The following SETD6 variants were observed in gnomAD, a reference collection of about 807,000 sequenced individuals.
SETD6 encodes the protein SET domain containing 6, protein lysine methyltransferase.
A neutral mutation model predicts 52.7 loss-of-function variants in SETD6; 67 were observed. The ratio of observed to expected loss-of-function variants is 1.27; its 90% CI spans 1.04 to 1.56. The LOEUF is 1.56. Among genes scored for constraint, SETD6 ranks in the 40% most tolerant of loss-of-function variants. The pLI, the probability that SETD6 is intolerant of heterozygous loss-of-function variation, is 0.00. For missense variants in SETD6, 712 were observed against 607.5 expected (o/e 1.17, Z -1.81); for synonymous variants, 307 against 250.2 (o/e 1.23, Z -2.14).
chr16:58,515,814 C>T lies in SETD6; in HGVS notation c.51C>T (p.Gly17=). The T allele has an allele frequency of 6.5e-7, 1 of 1,527,598 alleles. No homozygotes were observed. Among genetic ancestry groups the T allele is most frequent in the Non-Finnish European group, 8.7e-7 (1 of 1,146,478 alleles). The allele number at this position is 1,527,598 out of a possible 1,614,324, so 94.6% of individuals were successfully genotyped here. A position where few individuals can be genotyped will look rare whatever the true frequency, so the allele number is the denominator to read the frequency against. The change falls in exon 2 of 8, where the codon GGC becomes GGT. Residue 17 remains glycine, a synonymous_variant. Transcript: ENST00000219315. The part of the protein sequence containing the change: ...RPRVAGPVDG[G]DLDPVACFLS... ...AGGTGGCGGGGCCCGTGGACGGCGG[C>T]GACCTGGATCCTGTGGCCTGCTTCC...
rs892377243 is a variant in SETD6, at chr16:58,515,822, A to G, written c.59A>G (p.Asp20Gly). 15 of 1,536,964 alleles carry G rather than the reference A, an allele frequency of 9.8e-6. No individual in the cohort carries two copies. The highest frequency in any genetic ancestry group is 1.3e-5 in the Non-Finnish European group (15 of 1,151,072). Residue 20 changes from aspartate (D) to glycine (G), a missense_variant, in exon 2 of 8, where the codon GAT becomes GGT. By Grantham distance (94) the Asp-to-Gly change is moderately conservative (BLOSUM62 -1). Transcript: ENST00000219315. ...VAGPVDGGDLDPVACFLSWCR... is the reference protein window; with the variant it reads ...VAGPVDGGDLGPVACFLSWCR... ...GGGCCCGTGGACGGCGGCGACCTGG[A>G]TCCTGTGGCCTGCTTCCTGAGCTGG...
intron 3 of SETD6, 67 bp downstream of exon 3, chr16:58,516,410 C>T (rs1252300637): frequency 1.2e-6 from 2 of 1,613,228 alleles, no homozygotes; most frequent in Non-Finnish European, 1.7e-6. Context: ...TTCCCCGCCC[C>T]TGCACCAGTC....
In SETD6 at chr16:58,521,386, T is replaced by A; in HGVS notation, c.*2357T>A. On this transcript the variant is annotated 3_prime_UTR_variant, in exon 8 of 8. Coordinates refer to ENST00000219315, the MANE Select transcript of SETD6 (RefSeq NM_001160305.4). The stretch of plus-strand genomic sequence containing the variant: ...AAATTCATGATTATTCTTCCATTAC[T>A]TTTTTTCTAACTTCTCCCTGACTAT... The A allele has an allele frequency of 6.7e-7, 1 of 1,486,132 alleles. No individual in the cohort carries two copies. Among genetic ancestry groups the A allele is most frequent in the Non-Finnish European group, 9.1e-7 (1 of 1,099,564 alleles). The allele number at this position is 1,486,132 out of a possible 1,614,324, so 92.1% of individuals were successfully genotyped here.
rs529815052 is a variant in SETD6 at position 58,516,407 on chromosome 16, C to T, written c.476+64C>T. 7.3e-5 allele frequency: 118 copies of T among 1,613,092 alleles called. 1 individual carries two copies. The African/African-American group carries it at 1.2e-3, about 17-fold the overall frequency. ...TAGCCTGCTGCAAGAAGTTTCCCCG[C>T]CCCTGCACCAGTCCTACCCAGTAAA... On this transcript the variant is annotated intron_variant, in intron 3 of 7. Coordinates refer to ENST00000219315, the MANE Select transcript of SETD6 (RefSeq NM_001160305.4).
Position 58,523,196 on chromosome 16 carries a change from G to C in SETD6, c.*4167G>C, listed in dbSNP as rs938567548. 2 of 488,002 alleles carry C rather than the reference G, an allele frequency of 4.1e-6. No homozygotes were observed. Among genetic ancestry groups the C allele is most frequent in the African/African-American group, 4.0e-5 (2 of 50,146 alleles). 30.2% of individuals were successfully genotyped at this position (488,002 alleles called of 1,614,324 possible). A position where few individuals can be genotyped will look rare whatever the true frequency, so the allele number is the denominator to read the frequency against. ...GGAGGCGGAGGTTGCAGTGAGCCAA[G>C]ATGGCGCCACTGTACTGCAGACTGA... On this transcript the variant is annotated 3_prime_UTR_variant, in exon 8 of 8. Transcript: ENST00000219315.
chr16:58,517,065 C>G (rs746380318), intron 5 of SETD6, 137 bp downstream of exon 5: 1 of 1,270,902 alleles, frequency 7.9e-7, no homozygotes, highest in African/African-American at 1.5e-5. Context: ...ATGCATATTA[C>G]TGTAGAATCA....
At chr16:58,518,636 T>C in intron 7 of SETD6, 88 bp from the exon 8 acceptor site, 1 of 1,578,328 alleles carries the variant, frequency 6.3e-7, no homozygotes, top group African/African-American at 1.4e-5. Context: ...GGATTTTTAA[T>C]AAATGCTAAG....
rs2039375505 is a variant in SETD6, at chr16:58,521,616, G to C, written c.*2587G>C. On this transcript the variant is annotated 3_prime_UTR_variant, in exon 8 of 8. Transcript: ENST00000219315. ...GAGAGGAAGCCACATAAAGCCCAGA[G>C]TACATGGCACACAAAGTTAGTACAA... Among the ~76,000 whole-genome samples, 1 of 152,214 alleles carries C rather than the reference G, an allele frequency of 6.6e-6. No homozygotes were observed. The highest frequency in any genetic ancestry group is 2.4e-5 in the African/African-American group (1 of 41,466).
In SETD6 at chr16:58,522,578, ATC is replaced by A. The variant is rs1002975654; in HGVS notation, c.*3555_*3556del. Among the ~76,000 whole-genome samples, 21 of 152,210 alleles carry A rather than the reference ATC, an allele frequency of 1.4e-4. No homozygotes were observed. In the East Asian group the frequency reaches 1.9e-3, roughly 14 times the overall value. On this transcript the variant is annotated 3_prime_UTR_variant, in exon 8 of 8. Coordinates refer to ENST00000219315, the MANE Select transcript of SETD6 (RefSeq NM_001160305.4). ...AAAGTGTGTGTGTGTGTGTATCACA[ATC>A]TCTCTAATGCTATATGTAGTCTAGG...
Position 58,515,747 on chromosome 16 carries a change from C to T in SETD6, c.28-44C>T, listed in dbSNP as rs543735115. 3.3e-5 allele frequency: 47 copies of T among 1,425,596 alleles called. No homozygotes were observed. In the South Asian group the frequency reaches 6.6e-4, roughly 20 times the overall value. 88.3% of individuals were successfully genotyped at this position (1,425,596 alleles called of 1,614,324 possible). A position where few individuals can be genotyped will look rare whatever the true frequency, so the allele number is the denominator to read the frequency against. ...CGCGGTCTCCTGCAGTTCCCAGCGG[C>T]CTCTCTGGGGGTCGGACCTGGTCAC... is the stretch of plus-strand genomic sequence containing the variant. On this transcript the variant is annotated intron_variant, in intron 1 of 7. Coordinates refer to ENST00000219315, the MANE Select transcript of SETD6 (RefSeq NM_001160305.4).
Position 58,519,069 on chromosome 16 carries a change from T to A in SETD6, c.*40T>A, listed in dbSNP as rs766208826. ...CCTGAAGGAACAGCAATAAGAACTT[T>A]ATTCTAAGCTAATACTCATTGATGT... On this transcript the variant is annotated 3_prime_UTR_variant, in exon 8 of 8. Coordinates refer to ENST00000219315, the MANE Select transcript of SETD6 (RefSeq NM_001160305.4). 7.8e-6 allele frequency: 12 copies of A among 1,545,406 alleles called. No homozygotes were observed. The South Asian group carries it at 1.4e-4, about 18-fold the overall frequency.
rs888523059 is a variant in SETD6 at position 58,516,076 on chromosome 16, A to G, written c.313A>G (p.Ile105Val). 5.0e-6 allele frequency: 7 copies of G among 1,397,100 alleles called. No homozygotes were observed. The highest frequency in any genetic ancestry group is 3.2e-5 in the African/African-American group (2 of 62,386). 86.5% of individuals were successfully genotyped at this position (1,397,100 alleles called of 1,614,324 possible). Residue 105 changes from isoleucine to valine, a missense_variant, in exon 2 of 8, where the codon ATC becomes GTC. Physicochemically the swap from Ile to Val is conservative, Grantham distance 29. Transcript: ENST00000219315. ...AALLSQHTCSIGGLLERERVA... is the reference protein window; with the variant it reads ...AALLSQHTCSVGGLLERERVA... The stretch of plus-strand genomic sequence containing the variant: ...GCTCCTGTCGCAGCACACCTGCTCC[A>G]TCGGCGGCCTGCTGGAGCGAGGTGG...
At position 58,518,171 on chromosome 16, in the gene SETD6, G is replaced by GACA. The variant is rs758840955; in HGVS notation, c.917_919dup (p.Asn306dup). 15 of 1,614,078 alleles carry GACA rather than the reference G, an allele frequency of 9.3e-6. No individual in the cohort carries two copies. Among genetic ancestry groups the GACA allele is most frequent in the Non-Finnish European group, 1.3e-5 (15 of 1,180,054 alleles). On this transcript the variant is annotated inframe_insertion, in exon 6 of 8. Coordinates refer to ENST00000219315, the MANE Select transcript of SETD6 (RefSeq NM_001160305.4). Reference sequence around the variant, plus strand: ...GTACGGTTTTGTTGAACCATATCCTGACAACACAGATGACACAGCTGACAT... The same window carrying GACA: ...GTACGGTTTTGTTGAACCATATCCTGACAACAACACAGATGACACAGCTGACAT...
chr16:58,520,733 T>C lies in SETD6; in HGVS notation c.*1704T>C. Reference sequence around the variant, plus strand: ...GTATTTACACAAGTTCAAAATGATATTCACAGCATCTTCTAAATTTTGGCC... The same window carrying C: ...GTATTTACACAAGTTCAAAATGATACTCACAGCATCTTCTAAATTTTGGCC... On this transcript the variant is annotated 3_prime_UTR_variant, in exon 8 of 8. Transcript: ENST00000219315. 2 of 560,366 alleles carry C rather than the reference T, an allele frequency of 3.6e-6. No homozygotes were observed. The highest frequency in any genetic ancestry group is 4.5e-5 in the South Asian group (2 of 44,096). 34.7% of individuals were successfully genotyped at this position (560,366 alleles called of 1,614,324 possible).
In SETD6 at chr16:58,516,332, C is replaced by T; in HGVS notation, c.465C>T (p.His155=). The change falls in exon 3 of 8, where the codon CAC becomes CAT. Residue 155 remains histidine (H), a synonymous_variant. Coordinates refer to ENST00000219315, the MANE Select transcript of SETD6 (RefSeq NM_001160305.4). ...ALWPELGRLE[H]PMFWPEEERR... ...GGCCCGAGCTGGGCCGCTTGGAGCA[C>T]CCGATGTTCTGGTGAGAGCCTTGGG... The T allele has an allele frequency of 1.9e-6, 3 of 1,609,190 alleles. No individual in the cohort carries two copies. Among genetic ancestry groups the T allele is most frequent in the Non-Finnish European group, 2.5e-6 (3 of 1,179,926 alleles).
Position 58,518,229 on chromosome 16 carries a change from A to G in SETD6, c.971A>G (p.Gln324Arg), listed in dbSNP as rs780591883. The change falls in exon 6 of 8, where the codon CAG becomes CGG. Residue 324 changes from glutamine (Q) to arginine (R), a missense_variant and splice_region_variant. Physicochemically the swap from Gln to Arg is conservative, Grantham distance 43. Transcript: ENST00000219315. The part of the protein sequence containing the change: ...QMVTVREAAL[Q>R]GTKTEAERHL... ...GTGACAGTTCGTGAGGCAGCATTAC[A>G]GGGTGAGTGTATCATTAACTCAATA... The G allele has an allele frequency of 1.2e-6, 2 of 1,614,098 alleles. No homozygotes were observed. Among genetic ancestry groups the G allele is most frequent in the Middle Eastern group, 1.6e-4 (1 of 6,084 alleles).
At position 58,519,943 on chromosome 16, in the gene SETD6, G is replaced by GACTC. The variant is rs1488949236; in HGVS notation, c.*916_*919dup. 9 of 152,276 alleles carry GACTC rather than the reference G, an allele frequency of 5.9e-5. No homozygotes were observed. The highest frequency in any genetic ancestry group is 2.2e-4 in the African/African-American group (9 of 41,548). The allele number at this position is 152,276 out of a possible 1,614,324, so 9.4% of individuals were successfully genotyped here. On this transcript the variant is annotated 3_prime_UTR_variant, in exon 8 of 8. Transcript: ENST00000219315. ...TGCTGCTACTGAGAAAGGCACAGTGGACTCATGTGTGTGTCATGACTTTAA... is the reference window on the plus strand; with the variant it reads ...TGCTGCTACTGAGAAAGGCACAGTGGACTCACTCATGTGTGTGTCATGACTTTAA...
At chr16:58,515,641 C>A (rs1454790349) in intron 1 of SETD6, 77 bp downstream of exon 1, 46 of 1,423,728 alleles carry the variant, frequency 3.2e-5, no homozygotes, top group Non-Finnish European at 3.8e-5. Context: ...TCCGCCTGCG[C>A]CCCCTCCGCT....
chr16:58,518,240 A>G lies in SETD6; in HGVS notation c.973+9A>G, dbSNP rs1478363018. The G allele has an allele frequency of 3.1e-6, 5 of 1,614,022 alleles. No individual in the cohort carries two copies. The Admixed American group carries it at 5.0e-5, about 16-fold the overall frequency. Reference sequence around the variant, plus strand: ...TGAGGCAGCATTACAGGGTGAGTGTATCATTAACTCAATATTTGACACTGA... The same window carrying G: ...TGAGGCAGCATTACAGGGTGAGTGTGTCATTAACTCAATATTTGACACTGA... On this transcript the variant is annotated intron_variant, in intron 6 of 7. Transcript: ENST00000219315.
Sources: allele counts gnomAD v4.1 joint callset (sites outside exome capture counted in the v4.1 genomes callset), GRCh38; gene constraint gnomAD v4.1.1; transcripts MANE v1.5; gene names NCBI Gene and HGNC (gene_info 2026-07-23, HGNC 2026-07-21).